The following ZBTB25 variants were observed in gnomAD, a reference collection of about 807,000 sequenced individuals.
ZBTB25 encodes the protein zinc finger and BTB domain-containing protein 25.
ZBTB25 carries 20 observed loss-of-function variants against 34.2 expected under a neutral mutation model. The ratio of observed to expected loss-of-function variants is 0.58; its 90% CI spans 0.41 to 0.85. ZBTB25 has a LOEUF of 0.85. Among genes scored for constraint, ZBTB25 ranks in the 40% least tolerant of loss-of-function variants. The pLI is 0.00. For synonymous variants in ZBTB25, 175 were observed against 186.4 expected (o/e 0.94, Z 0.50); for missense variants, 437 against 521.8 (o/e 0.84, Z 1.58).
At chr14:64,473,154 C>A (rs1303959747), downstream of ZBTB25, 2 of 166,996 alleles carry the variant, frequency 1.2e-5, no homozygotes, top group African/African-American at 4.8e-5. Context: ...GCACTATTCA[C>A]TTAACATTTT....
chr14:64,452,709 G>A (rs2078393620), intron 2 of ZBTB25, among the ~76,000 whole-genome samples: 1 of 152,138 alleles, frequency 6.6e-6, no homozygotes, highest in African/African-American at 2.4e-5. Flanking sequence ...AATTCCTGGT[G>A]CTTGCACTTA....
intron 2 of ZBTB25, chr14:64,468,301 A>G: frequency 8.4e-7 from 1 of 1,192,524 alleles, no homozygotes; most frequent in Non-Finnish European, 1.2e-6. Context: ...AAGAAATTTT[A>G]CCTAGTGTGA....
intron 2 of ZBTB25, among the ~76,000 whole-genome samples, chr14:64,455,624 G>C (rs2078459473): frequency 6.6e-6 from 1 of 152,176 alleles, no homozygotes; most frequent in Non-Finnish European, 1.5e-5. Flanking sequence ...ATACAGGACT[G>C]AAATATTAAA....
chr14:64,504,823 G>C (rs966427630), upstream of ZBTB25: 1 of 391,072 alleles, frequency 2.6e-6, no homozygotes, highest in East Asian at 3.7e-5. Flanking sequence ...CCCAGCCCGA[G>C]CGCCGAGCGC....
upstream of ZBTB25, among the ~76,000 whole-genome samples, chr14:64,504,287 C>G (rs2079598205): frequency 6.6e-6 from 1 of 151,998 alleles, no homozygotes; most frequent in South Asian, 2.1e-4. Flanking sequence ...CTGGGCGACC[C>G]TGAACCGACG....
intron 1 of ZBTB25, among the ~76,000 whole-genome samples, chr14:64,499,207 C>A (rs991385484): frequency 2.0e-5 from 3 of 152,102 alleles, no homozygotes; most frequent in African/African-American, 7.2e-5. Context: ...ATTATGTTGA[C>A]TACATTAAAT....
At chr14:64,451,425 T>G (rs1229215123) in intron 2 of ZBTB25, among the ~76,000 whole-genome samples, 1 of 152,254 alleles carries the variant, frequency 6.6e-6, no homozygotes, top group East Asian at 1.9e-4. Context: ...CTTATTTCTC[T>G]TTGCCCCTTG....
upstream of ZBTB25, chr14:64,504,085 G>A (rs2079591905): frequency 1.3e-5 from 2 of 152,438 alleles, no homozygotes; most frequent in African/African-American, 4.8e-5. Flanking sequence ...TCAGTTCTGG[G>A]GTGAAGGTGG....
At chr14:64,457,302 G>A (rs2078490537) in intron 2 of ZBTB25, among the ~76,000 whole-genome samples, 1 of 152,182 alleles carries the variant, frequency 6.6e-6, no homozygotes, top group Non-Finnish European at 1.5e-5. Context: ...CGTGAGCTGA[G>A]GAGGCGAGTG....
At chr14:64,494,461 C>T (rs886848109) in intron 1 of ZBTB25, among the ~76,000 whole-genome samples, 9 of 152,158 alleles carry the variant, frequency 5.9e-5, no homozygotes, top group Admixed American at 5.9e-4. Context: ...GGTGAGACCC[C>T]GTCTCTACTC....
At chr14:64,473,212 G>A (rs2078692181), downstream of ZBTB25, 1 of 166,988 alleles carries the variant, frequency 6.0e-6, no homozygotes, top group East Asian at 1.9e-4. Flanking sequence ...TAACATTTAA[G>A]TAAAGGTAGC....
chr14:64,452,043 C>T (rs973293294), intron 2 of ZBTB25, among the ~76,000 whole-genome samples: 19 of 152,156 alleles, frequency 1.2e-4, no homozygotes, highest in African/African-American at 4.3e-4. Context: ...CACCTGTAAT[C>T]CCAGCACTTT....
intron 1 of ZBTB25, among the ~76,000 whole-genome samples, chr14:64,500,291 A>G (rs2079441646): frequency 6.6e-6 from 1 of 152,076 alleles, no homozygotes. Flanking sequence ...ACTCCCATGA[A>G]CACACTACTC....
intron 1 of ZBTB25, among the ~76,000 whole-genome samples, chr14:64,493,253 T>A (rs1182586280): frequency 6.6e-6 from 1 of 152,220 alleles, no homozygotes; most frequent in Non-Finnish European, 1.5e-5. Context: ...CAGAGCGTGG[T>A]AGTTAAAGCT....
At chr14:64,467,670 A>G (rs963304463) in intron 2 of ZBTB25, 15 of 152,004 alleles carry the variant, frequency 9.9e-5, no homozygotes, top group African/African-American at 3.6e-4. Context: ...TGACAAGACA[A>G]CTGCTCCCCT....
In ZBTB25 at chr14:64,487,288, C is replaced by T. The variant is rs1259238122; in HGVS notation, c.943G>A (p.Gly315Ser). ...NEQQPDHTNR[G>S]TTEPLQISQV... is the part of the protein sequence containing the mutation. ...CTGATCTGCAAAGGCTCTGTGGTAC[C>T]CCGGTTGGTGTGGTCTGGCTGCTGT... The change falls in exon 3 of 3, where the codon GGT becomes AGT. Residue 315 changes from glycine to serine, a missense_variant. Transcript: ENST00000608382. 1.2e-6 allele frequency: 2 copies of T among 1,613,770 alleles called. No individual in the cohort carries two copies. The highest frequency in any genetic ancestry group is 1.1e-5 in the South Asian group (1 of 91,066).
intron 1 of ZBTB25, among the ~76,000 whole-genome samples, chr14:64,493,593 G>A (rs971169444): frequency 2.0e-5 from 3 of 152,062 alleles, no homozygotes; most frequent in East Asian, 1.9e-4. Context: ...CAAAGTAATC[G>A]CAGTGGGAAT....
chr14:64,449,887 CA>C (rs1190563476), intron 2 of ZBTB25, among the ~76,000 whole-genome samples: 3 of 152,244 alleles, frequency 2.0e-5, no homozygotes, highest in Non-Finnish European at 4.4e-5. Flanking sequence ...CTCCTGGGTT[CA>C]AGTGATTCTC....
chr14:64,493,069 CAGA>C (rs2141038180), intron 1 of ZBTB25, among the ~76,000 whole-genome samples: 1 of 151,962 alleles, frequency 6.6e-6, no homozygotes, highest in African/African-American at 2.4e-5. Context: ...AGTTAGATAA[CAGA>C]AGGATTCAGC....
Sources: gnomAD v4.1 joint callset for allele counts (sites outside exome capture counted in the v4.1 genomes callset) on GRCh38, gnomAD v4.1.1 for gene constraint, MANE v1.5 for transcripts, NCBI Gene and HGNC (gene_info 2026-07-23, HGNC 2026-07-21) for gene names.